RAI1: variants seen among roughly 807,000 people sequenced by gnomAD.
RAI1 encodes the protein retinoic acid-induced protein 1.
Under a neutral mutation model 123.8 loss-of-function variants are expected in RAI1, and 9 were observed. That is an observed-to-expected ratio of 0.07 (90% CI 0.04 to 0.13). The LOEUF (loss-of-function observed/expected upper bound fraction) is 0.13. Ranked by LOEUF, RAI1 falls within the 10% of genes least tolerant of loss-of-function variation. RAI1 has a pLI of 1.00. For synonymous variants in RAI1, 1,231 were observed against 1,127.3 expected (o/e 1.09, Z -1.84); for missense variants, 2,256 against 2,545.8 (o/e 0.89, Z 2.45).
chr17:17,699,721 C>T lies in RAI1; in HGVS notation c.-149+17928C>T, dbSNP rs1334993248. Among the ~76,000 whole-genome samples, 4 of 152,184 alleles carry T rather than the reference C, an allele frequency of 2.6e-5. No individual in the cohort carries two copies. The East Asian group carries it at 5.8e-4, about 22-fold the overall frequency. On this transcript the variant is annotated intron_variant, in intron 1 of 5. Transcript: ENST00000353383. ...TTTACATTTCTTCTGGATTATTCTA[C>T]CCTGCTTCCCCCGGCCACAGTTGGT...
At chr17:17,788,568 C>T (rs2031908780) in intron 2 of RAI1, among the ~76,000 whole-genome samples, 1 of 152,212 alleles carries the variant, frequency 6.6e-6, no homozygotes, top group Admixed American at 6.5e-5. Context: ...CTCCTTCATT[C>T]TCAGGTTCCC....
At chr17:17,731,118 C>T (rs1248174425) in intron 2 of RAI1, among the ~76,000 whole-genome samples, 4 of 152,194 alleles carry the variant, frequency 2.6e-5, no homozygotes, top group Admixed American at 6.5e-5. Context: ...GAGGTGAGGA[C>T]GTGGGAGCAG....
intron 2 of RAI1, among the ~76,000 whole-genome samples, chr17:17,785,938 C>G (rs2031811902): frequency 6.6e-6 from 1 of 152,198 alleles, no homozygotes; most frequent in Admixed American, 6.5e-5. Context: ...CTTGAATTCT[C>G]AAGTATGAAA....
At position 17,795,987 on chromosome 17, in the gene RAI1, C is replaced by G; in HGVS notation, c.3039C>G (p.Ser1013=). 1.2e-6 allele frequency: 2 copies of G among 1,600,082 alleles called. No homozygotes were observed. The highest frequency in any genetic ancestry group is 8.5e-7 in the Non-Finnish European group (1 of 1,175,306). ...GGGGGCTGCCCGAGGCCGAGGACTCCCCATGCAGGGCACCAGTGCTGCCCA... is the reference window on the plus strand; with the variant it reads ...GGGGGCTGCCCGAGGCCGAGGACTCGCCATGCAGGGCACCAGTGCTGCCCA... ...VHRGLPEAED[S]PCRAPVLPKD... The change falls in exon 3 of 6, where the codon TCC becomes TCG. Residue 1013 remains serine (S), a synonymous_variant. Transcript: ENST00000353383. This position sits in a 1 kb window ranked among gnomAD's most constrained non-coding sequence, Gnocchi z 5.9.
intron 2 of RAI1, among the ~76,000 whole-genome samples, chr17:17,790,951 C>T (rs913511761): frequency 5.3e-5 from 8 of 152,220 alleles, no homozygotes; most frequent in Non-Finnish European, 1.0e-4. Flanking sequence ...TCTGGGTTGG[C>T]GCGTCGCAGC....
At chr17:17,692,087 CCAG>C (rs1261490218) in intron 1 of RAI1, among the ~76,000 whole-genome samples, 1 of 152,196 alleles carries the variant, frequency 6.6e-6, no homozygotes, top group African/African-American at 2.4e-5. Flanking sequence ...CTTCTTGACT[CCAG>C]CAGGATGTGG....
At chr17:17,734,341 A>G (rs982678051) in intron 2 of RAI1, among the ~76,000 whole-genome samples, 1 of 151,966 alleles carries the variant, frequency 6.6e-6, no homozygotes, top group African/African-American at 2.4e-5. Flanking sequence ...CTACTCCAGA[A>G]GCTGAGGTGG....
intron 2 of RAI1, among the ~76,000 whole-genome samples, chr17:17,730,996 AG>A (rs1298386034): frequency 4.6e-5 from 7 of 152,202 alleles, no homozygotes; most frequent in African/African-American, 1.7e-4. Flanking sequence ...GAAGCAGGGC[AG>A]GCGATGCCCA....
chr17:17,708,097 T>C (rs9900148), intron 1 of RAI1, among the ~76,000 whole-genome samples: 1 of 151,878 alleles, frequency 6.6e-6, no homozygotes, highest in South Asian at 2.1e-4. Flanking sequence ...AAGGAATGGG[T>C]TAATGGGCAC....
Position 17,800,184 on chromosome 17 carries a change from C to CTCTCTG in RAI1, c.5565+1676_5565+1677insGTCTCT, listed in dbSNP as rs1444757863. 0.069 allele frequency among the ~76,000 whole-genome samples: 2,797 copies of CTCTCTG among 40,696 alleles called. 35 individuals are homozygous for CTCTCTG. Among genetic ancestry groups the CTCTCTG allele is most frequent in the East Asian group, 0.19 (36 of 192 alleles). 26.7% of individuals were successfully genotyped at this position (40,696 alleles called of 152,430 possible). A position where few individuals can be genotyped will look rare whatever the true frequency, so the allele number is the denominator to read the frequency against. ...TCCTGCTTTCTGTCTCTCTCTGTCT[C>CTCTCTG]TCTCTCTCTCTCTCTCTCTCTCTCT... On this transcript the variant is annotated intron_variant, in intron 3 of 5. Coordinates refer to ENST00000353383, the MANE Select transcript of RAI1 (RefSeq NM_030665.4). The surrounding 1 kb of genome is among the most constrained non-coding windows in gnomAD (Gnocchi z 4.7).
Position 17,795,100 on chromosome 17 carries a change from G to T in RAI1, c.2152G>T (p.Ala718Ser). 1 of 1,614,078 alleles carries T rather than the reference G, an allele frequency of 6.2e-7. No individual in the cohort carries two copies. The highest frequency in any genetic ancestry group is 8.5e-7 in the Non-Finnish European group (1 of 1,180,034). Residue 718 changes from alanine (A) to serine (S), a missense_variant, in exon 3 of 6, where the codon GCT (alanine) becomes TCT (serine). Physicochemically the swap from Ala to Ser is moderately conservative, Grantham distance 99 (BLOSUM62 1). Coordinates refer to ENST00000353383, the MANE Select transcript of RAI1 (RefSeq NM_030665.4). This position sits in a 1 kb window ranked among gnomAD's most constrained non-coding sequence, Gnocchi z 5.9. ...FGTKPTLGVP[A>S]PDPTTAAFDC... ...TACCAAGCCCACCCTTGGGGTTCCT[G>T]CTCCAGACCCCACTACAGCAGCTTT...
chr17:17,780,191 G>T (rs1003243965), intron 2 of RAI1, among the ~76,000 whole-genome samples: 4 of 151,196 alleles, frequency 2.6e-5, no homozygotes, highest in African/African-American at 4.9e-5. Context: ...TCAGCCTCCC[G>T]AGTAGCTGGA....
chr17:17,752,243 C>T (rs895401002), intron 2 of RAI1, among the ~76,000 whole-genome samples: 7 of 152,184 alleles, frequency 4.6e-5, no homozygotes, highest in African/African-American at 1.7e-4. Context: ...GACAGCGCCC[C>T]AGACTACTCG....
intron 2 of RAI1, among the ~76,000 whole-genome samples, chr17:17,776,473 C>T (rs1489100465): frequency 3.3e-5 from 5 of 151,964 alleles, no homozygotes; most frequent in Non-Finnish European, 1.5e-5. Flanking sequence ...TGAGTTCCAG[C>T]GATTCTTGTG....
At chr17:17,765,656 C>T (rs1156590890) in intron 2 of RAI1, among the ~76,000 whole-genome samples, 1 of 152,250 alleles carries the variant, frequency 6.6e-6, no homozygotes, top group African/African-American at 2.4e-5. Context: ...CTGCAAGTCA[C>T]CCGTTTCACA....
chr17:17,716,061 T>C (rs1278333475), intron 1 of RAI1, among the ~76,000 whole-genome samples: 3 of 152,218 alleles, frequency 2.0e-5, no homozygotes, highest in Non-Finnish European at 4.4e-5. Flanking sequence ...CATAGCCAGC[T>C]TGAGTCCAGG....
In RAI1 at chr17:17,800,733, C is replaced by G. The variant is rs2032432950; in HGVS notation, c.5565+2220C>G. ...CCGGGAAGGTCGGAACCAGGAACAC[C>G]CTGCCAGACAGATGGGACATCCTGG... On this transcript the variant is annotated intron_variant, in intron 3 of 5. Transcript: ENST00000353383. The surrounding 1 kb of genome is among the most constrained non-coding windows in gnomAD (Gnocchi z 4.7). Among the ~76,000 whole-genome samples the G allele has an allele frequency of 6.6e-6, 1 of 152,226 alleles. No individual in the cohort carries two copies. Among genetic ancestry groups the G allele is most frequent in the Admixed American group, 6.5e-5 (1 of 15,282 alleles).
intron 1 of RAI1, among the ~76,000 whole-genome samples, chr17:17,688,767 T>C (rs1487363626): frequency 6.6e-6 from 1 of 151,050 alleles, no homozygotes; most frequent in African/African-American, 2.4e-5. Flanking sequence ...GCCTGGCTAA[T>C]GTTTGTATTT....
At chr17:17,787,590 C>T (rs753714327) in intron 2 of RAI1, among the ~76,000 whole-genome samples, 1 of 152,212 alleles carries the variant, frequency 6.6e-6, no homozygotes, top group Non-Finnish European at 1.5e-5. Flanking sequence ...TGCTCCCCCA[C>T]ACCTCACAGT....
Sources: gnomAD v4.1 joint callset for allele counts (sites outside exome capture counted in the v4.1 genomes callset) on GRCh38, gnomAD v4.1.1 for gene constraint, Gnocchi (gnomAD v3.1) non-coding constraint, MANE v1.5 for transcripts, NCBI Gene and HGNC (gene_info 2026-07-23, HGNC 2026-07-21) for gene names.